Variants in CEP192 observed in about 807,000 individuals in gnomAD.
The protein encoded by CEP192 is centrosomal protein 192.
CEP192 carries 151 observed loss-of-function variants against 271.8 expected under a neutral mutation model. That is an observed-to-expected ratio of 0.56 (90% CI 0.49 to 0.64). CEP192 has a LOEUF of 0.64. CEP192 is among the 30% of genes least tolerant of loss of function. The pLI is 0.00. For missense variants in CEP192, 2,910 were observed against 3,020.5 expected (o/e 0.96, Z 0.86); for synonymous variants, 995 against 1,076.5 (o/e 0.92, Z 1.48).
chr18:13,014,577 T>C (rs1302881603), intron 5 of CEP192, among the ~76,000 whole-genome samples: 5 of 152,234 alleles, frequency 3.3e-5, no homozygotes, highest in African/African-American at 1.2e-4. Flanking sequence ...TCAGAGCTTA[T>C]ATTGCACAGC....
At chr18:12,996,580 G>T (rs570424283) in intron 1 of CEP192, among the ~76,000 whole-genome samples, 2 of 152,272 alleles carry the variant, frequency 1.3e-5, no homozygotes, top group Admixed American at 1.3e-4. Flanking sequence ...CCCAGAGAGG[G>T]TGAGTTGATG....
intron 17 of CEP192, among the ~76,000 whole-genome samples, chr18:13,052,004 C>CT (rs1311498040): frequency 6.6e-6 from 1 of 152,210 alleles, no homozygotes; most frequent in African/African-American, 2.4e-5. Flanking sequence ...GGTGTGGAGA[C>CT]TGTTTCCAAA....
chr18:13,089,907 G>T (rs1476998860), intron 33 of CEP192, among the ~76,000 whole-genome samples: 2 of 152,100 alleles, frequency 1.3e-5, no homozygotes, highest in African/African-American at 4.8e-5. Context: ...AGAGGAAAAT[G>T]GTCATTATTA....
chr18:13,063,767 G>C (rs1418823825), intron 21 of CEP192, among the ~76,000 whole-genome samples: 1 of 151,742 alleles, frequency 6.6e-6, no homozygotes, highest in Non-Finnish European at 1.5e-5. Flanking sequence ...TTCGTTTGTG[G>C]GGTATTGCTC....
intron 17 of CEP192, among the ~76,000 whole-genome samples, chr18:13,052,665 T>A (rs1450659119): frequency 1.3e-5 from 2 of 152,228 alleles, no homozygotes; most frequent in African/African-American, 2.4e-5. Flanking sequence ...CATGAATAGC[T>A]AATTGCTAAT....
At chr18:13,008,956 G>A (rs2034157683) in intron 4 of CEP192, among the ~76,000 whole-genome samples, 2 of 151,094 alleles carry the variant, frequency 1.3e-5, no homozygotes, top group Admixed American at 1.3e-4. Context: ...GATCTGCTGT[G>A]CCTTGGCCTG....
chr18:12,996,501 C>A (rs62095829), intron 1 of CEP192, among the ~76,000 whole-genome samples: 1 of 151,850 alleles, frequency 6.6e-6, no homozygotes, highest in Non-Finnish European at 1.5e-5. Flanking sequence ...ACCTGAGGTT[C>A]GGGGAAAGGC....
intron 34 of CEP192, 93 bp downstream of exon 34, chr18:13,092,620 T>C: frequency 1.1e-6 from 1 of 891,650 alleles, no homozygotes; most frequent in Non-Finnish European, 1.7e-6. Flanking sequence ...ACTATTATTA[T>C]TATTTTGTCT....
At chr18:13,000,091 C>CTCT (rs1555698196) in intron 2 of CEP192, among the ~76,000 whole-genome samples, 1 of 76,750 alleles carries the variant, frequency 1.3e-5, no homozygotes, top group Admixed American at 1.8e-4. Flanking sequence ...TGTCTTCTCT[C>CTCT]TTTTTTTTTT....
In CEP192 at chr18:13,114,301, G is replaced by C. The variant is rs760510291; in HGVS notation, c.7289+50G>C. On this transcript the variant is annotated intron_variant, in intron 42 of 44. Transcript: ENST00000506447. The stretch of plus-strand genomic sequence containing the variant: ...GAGTTTTTTCCCAGTACTTTATTGA[G>C]GAATAGAGTCAGTAAAATGCTCGAT... 64 of 1,580,588 alleles carry C rather than the reference G, an allele frequency of 4.0e-5. No individual in the cohort carries two copies. The Admixed American group carries it at 1.1e-3, about 27-fold the overall frequency.
rs184502953 is a variant in CEP192, at chr18:13,068,726, C to T, written c.4823-126C>T. 9.2e-4 allele frequency: 828 copies of T among 898,260 alleles called. 5 individuals carry two copies. In the African/African-American group the frequency reaches 0.013, roughly 14 times the overall value. 55.6% of individuals were successfully genotyped at this position (898,260 alleles called of 1,614,324 possible). A position where few individuals can be genotyped will look rare whatever the true frequency, so the allele number is the denominator to read the frequency against. On this transcript the variant is annotated intron_variant, in intron 24 of 44. Transcript: ENST00000506447. ...TCTTCACTCATTTCTATTCTTTTAACTCTTTAAAAAATCTGCTTGCCTAAA... is the reference window on the plus strand; with the variant it reads ...TCTTCACTCATTTCTATTCTTTTAATTCTTTAAAAAATCTGCTTGCCTAAA...
chr18:13,028,301 G>A (rs866585456), intron 9 of CEP192, among the ~76,000 whole-genome samples: 1 of 152,174 alleles, frequency 6.6e-6, no homozygotes, highest in Non-Finnish European at 1.5e-5. Context: ...AATTACATCC[G>A]TAAAGACCTT....
At chr18:13,115,869 G>A (rs974125556) in intron 42 of CEP192, among the ~76,000 whole-genome samples, 2 of 152,124 alleles carry the variant, frequency 1.3e-5, no homozygotes, top group Non-Finnish European at 2.9e-5. Flanking sequence ...GTGAGGGGAA[G>A]GTCAGATGTG....
rs763513564 is a variant in CEP192, at chr18:13,049,677, T to C, written c.2886T>C (p.Asn962=). ...ACCATCGCATAGTCTCACCTAAAAA[T>C]AGTGGTAAGTGTCTGAGTCGTTGGT... The part of the protein sequence containing the change: ...FENHRIVSPK[N]SDLKNTSPEH... Residue 962 remains asparagine, a synonymous_variant, in exon 16 of 45, where the codon AAT becomes AAC. Transcript: ENST00000506447. 5.6e-6 allele frequency: 9 copies of C among 1,607,438 alleles called. No homozygotes were observed. The East Asian group carries it at 1.3e-4, about 24-fold the overall frequency.
intron 4 of CEP192, 95 bp downstream of exon 4, chr18:13,008,726 A>G: frequency 1.1e-6 from 1 of 933,370 alleles, no homozygotes; most frequent in Non-Finnish European, 1.6e-6. Flanking sequence ...TTTTTGAGGC[A>G]GGGTCGCACT....
chr18:13,018,718 C>A, intron 8 of CEP192, 103 bp downstream of exon 8: 1 of 790,118 alleles, frequency 1.3e-6, no homozygotes, highest in South Asian at 2.5e-5. Context: ...TATATTAACT[C>A]TTCTAGTCCC....
At chr18:13,071,543 T>C (rs564837469) in intron 28 of CEP192, among the ~76,000 whole-genome samples, 3 of 152,316 alleles carry the variant, frequency 2.0e-5, no homozygotes, top group Non-Finnish European at 4.4e-5. Flanking sequence ...GTACATCCAT[T>C]CTTCTAAATG....
intron 43 of CEP192, 83 bp downstream of exon 43, chr18:13,116,586 G>C: frequency 7.5e-7 from 1 of 1,329,628 alleles, no homozygotes; most frequent in African/African-American, 1.5e-5. Context: ...TGATTCTGTA[G>C]ACTATATTTA....
At chr18:13,032,030 A>G (rs2035659146) in intron 11 of CEP192, among the ~76,000 whole-genome samples, 1 of 152,168 alleles carries the variant, frequency 6.6e-6, no homozygotes, top group Admixed American at 6.5e-5. Context: ...CATTAGGGCC[A>G]GGGAGTGGAT....
Sources: gnomAD v4.1 joint callset for allele counts (sites outside exome capture counted in the v4.1 genomes callset) on GRCh38, gnomAD v4.1.1 for gene constraint, MANE v1.5 for transcripts, NCBI Gene and HGNC (gene_info 2026-07-23, HGNC 2026-07-21) for gene names.